TCAF1: variants seen among roughly 807,000 people sequenced by gnomAD.
TCAF1 encodes the protein TRPM8 channel-associated factor 1.
In TCAF1, 4 loss-of-function variants were observed where a neutral mutation model predicts 27.3. The ratio of observed to expected loss-of-function variants is 0.15; its 90% confidence interval spans 0.07 to 0.34. The LOEUF is 0.34. Among genes scored for constraint, TCAF1 ranks in the 10% least tolerant of loss-of-function variants. TCAF1 has a pLI of 1.00. For synonymous variants in TCAF1, 105 were observed against 167.1 expected, an observed-to-expected ratio of 0.63 and a Z score of 2.87; for missense variants, 257 against 425.8, an observed-to-expected ratio of 0.60 and a Z score of 3.49.
chr7:143,859,862 T>TACATATATATATATATAC (rs377600497), intron 6 of TCAF1, among the ~76,000 whole-genome samples: 24 of 64,714 alleles, frequency 3.7e-4, no homozygotes, highest in Non-Finnish European at 4.7e-4. Flanking sequence ...CTGTTTTATA[T>TACATATATATATATATAC]ACACATATAC....
At chr7:143,901,789 T>C (rs1814125270) in intron 1 of TCAF1, among the ~76,000 whole-genome samples, 172 bp downstream of exon 1, 1 of 151,856 alleles carries the variant, frequency 6.6e-6, no homozygotes, top group Admixed American at 6.5e-5. Flanking sequence ...GAGAATGAAA[T>C]AGGCACCGAG....
intron 1 of TCAF1, among the ~76,000 whole-genome samples, chr7:143,883,944 G>A (rs1813251303): frequency 6.6e-6 from 1 of 152,120 alleles, no homozygotes; most frequent in African/African-American, 2.4e-5. Context: ...TAAGTGGACT[G>A]GATTCAAATC....
Position 143,860,024 on chromosome 7 carries a change from ATATTAT to A in TCAF1, c.2167+178_2167+183del, listed in dbSNP as rs1212260136. Reference sequence around the variant, plus strand: ...ATAATATATATATAATATATATTATATATTATATATATAATATATAATATATATTAT... The same window carrying A: ...ATAATATATATATAATATATATTATAATATATAATATATAATATATATTAT... On this transcript the variant is annotated intron_variant, in intron 6 of 8. Transcript: ENST00000479870. 1.4e-3 allele frequency among the ~76,000 whole-genome samples: 107 copies of A among 75,042 alleles called. 7 individuals are homozygous for A. The highest frequency in any genetic ancestry group is 5.8e-3 in the African/African-American group (101 of 17,560). The allele number at this position is 75,042 out of a possible 152,430, so 49.2% of individuals were successfully genotyped here. A position where few individuals can be genotyped will look rare whatever the true frequency, so the allele number is the denominator to read the frequency against.
At chr7:143,893,770 TAAAGG>T (rs1813754989) in intron 1 of TCAF1, among the ~76,000 whole-genome samples, 1 of 151,648 alleles carries the variant, frequency 6.6e-6, no homozygotes, top group Non-Finnish European at 1.5e-5. Context: ...AATTACTTAA[TAAAGG>T]AATTACTTAA....
At chr7:143,882,674 G>C (rs13240033) in intron 1 of TCAF1, 348,455 of 982,924 alleles carry the variant, frequency 0.35, 62,387 homozygotes, top group African/African-American at 0.48. Flanking sequence ...CAGCACCCAG[G>C]CCGAGTCCAC....
At chr7:143,885,146 C>G in intron 1 of TCAF1, 1 of 985,590 alleles carries the variant, frequency 1.0e-6, no homozygotes, top group South Asian at 4.7e-5. Context: ...GGGAGCCGCC[C>G]CTGAATTGGT....
chr7:143,882,523 G>A, intron 1 of TCAF1: 10 of 985,384 alleles, frequency 1.0e-5, no homozygotes, highest in Non-Finnish European at 1.2e-5. Flanking sequence ...CCCAAGCGCA[G>A]AGGAAAATCA....
intron 1 of TCAF1, chr7:143,882,193 A>AACCCACACACACACACAC (rs1813072966): frequency 6.7e-6 from 1 of 150,146 alleles, no homozygotes; most frequent in African/African-American, 2.6e-5. Context: ...CATGCGCGTA[A>AACCCACACACACACACAC]ACACACACAC....
intron 1 of TCAF1, chr7:143,885,200 C>T (rs1348004016): frequency 2.0e-6 from 2 of 985,542 alleles, no homozygotes. Flanking sequence ...CAGCTTTGGA[C>T]GAGACTCACC....
chr7:143,889,869 T>C (rs577517089), intron 1 of TCAF1, among the ~76,000 whole-genome samples: 4 of 152,326 alleles, frequency 2.6e-5, no homozygotes, highest in Non-Finnish European at 5.9e-5. Flanking sequence ...TGCCCATTCC[T>C]CTCATCAACT....
At chr7:143,874,679 T>C (rs556135225) in intron 2 of TCAF1, among the ~76,000 whole-genome samples, 2 of 152,066 alleles carry the variant, frequency 1.3e-5, no homozygotes, top group African/African-American at 4.8e-5. Context: ...AAAAGAGAAT[T>C]GAAAGGACAT....
intron 1 of TCAF1, chr7:143,882,877 G>A (rs1813151485): frequency 1.0e-6 from 1 of 985,406 alleles, no homozygotes; most frequent in Non-Finnish European, 1.2e-6. Flanking sequence ...GGCTGGAGCT[G>A]GAGGAGAGGA....
Position 143,876,541 on chromosome 7 carries a change from T to A in TCAF1, c.68A>T (p.Asp23Val). 6.5e-7 allele frequency: 1 copy of A among 1,547,836 alleles called. No individual in the cohort carries two copies. Among genetic ancestry groups the A allele is most frequent in the Non-Finnish European group, 8.7e-7 (1 of 1,152,222 alleles). Residue 23 changes from aspartate to valine, a missense_variant, in exon 2 of 9, where the codon GAT becomes GTT. This residue lies in a region of TCAF1 where 255 missense variants were observed against 260.1 expected (regional missense o/e 0.98). Transcript: ENST00000479870. ...AAGAAGCAGTTCACATGGAACAGCA[T>A]CTTCGGGTACATCCCAGCTTGTCAC... ...NGVTSWDVPE[D>V]AVPCELLLIG...
intron 1 of TCAF1, among the ~76,000 whole-genome samples, chr7:143,892,524 C>A (rs1033837262): frequency 6.7e-6 from 1 of 149,632 alleles, no homozygotes; most frequent in Non-Finnish European, 1.5e-5. Context: ...TAGACTTTAA[C>A]CCAATTTTTT....
chr7:143,879,822 C>A (rs1340084495), intron 1 of TCAF1, among the ~76,000 whole-genome samples: 2 of 152,082 alleles, frequency 1.3e-5, no homozygotes, highest in African/African-American at 4.8e-5. Flanking sequence ...GTAGCACTGT[C>A]CCCAGCCATC....
chr7:143,898,393 T>A (rs1374718721), intron 1 of TCAF1, among the ~76,000 whole-genome samples: 1 of 152,096 alleles, frequency 6.6e-6, no homozygotes, highest in African/African-American at 2.4e-5. Flanking sequence ...TAGAAACGAA[T>A]AAACAAAATT....
intron 1 of TCAF1, among the ~76,000 whole-genome samples, chr7:143,883,508 T>TTTTTTG: frequency 7.3e-6 from 1 of 136,114 alleles, no homozygotes; most frequent in African/African-American, 2.9e-5. Flanking sequence ...TTCTTTTTTT[T>TTTTTTG]TTTTTTTTTT....
intron 1 of TCAF1, among the ~76,000 whole-genome samples, chr7:143,897,164 A>ATATATATT (rs1277815465): frequency 5.6e-5 from 7 of 125,252 alleles, no homozygotes; most frequent in Admixed American, 8.0e-5. Context: ...ATATATATAT[A>ATATATATT]TATATATATA....
Position 143,876,490 on chromosome 7 carries a change from A to G in TCAF1, c.119T>C (p.Met40Thr). 1.3e-6 allele frequency: 2 copies of G among 1,591,044 alleles called. No homozygotes were observed. Among genetic ancestry groups the G allele is most frequent in the Non-Finnish European group, 1.7e-6 (2 of 1,171,110 alleles). The change falls in exon 2 of 9, where the codon ATG becomes ACG. Residue 40 changes from methionine (M) to threonine (T), a missense_variant. Transcript: ENST00000479870. ...GAGGACCTGGCCCATGTCATTCACC[A>G]TCACAGGAAATGAAGCCTCTCCAAT... Reference protein sequence around the residue: ...LLIGEASFPVMVNDMGQVLIA... With the variant: ...LLIGEASFPVTVNDMGQVLIA...
Sources: allele counts gnomAD v4.1 joint callset (sites outside exome capture counted in the v4.1 genomes callset), GRCh38; gene constraint gnomAD v4.1.1; regional missense constraint gnomAD v4.1.1; transcripts MANE v1.5; gene names NCBI Gene and HGNC (gene_info 2026-07-23, HGNC 2026-07-21).